The following GLIS3 variants were observed in gnomAD, a reference collection of about 807,000 sequenced individuals.
GLIS3 encodes zinc finger protein GLIS3.
A neutral mutation model predicts 78.6 loss-of-function variants in GLIS3; 53 were observed. That is an observed-to-expected ratio of 0.67 (90% CI 0.54 to 0.85). GLIS3 has a LOEUF of 0.85. Ranked by LOEUF, GLIS3 falls within the 40% of genes least tolerant of loss-of-function variation. The pLI, the probability that GLIS3 is intolerant of heterozygous loss-of-function variation, is 0.00. For missense variants in GLIS3, 1,703 were observed against 1,231.1 expected, an observed-to-expected ratio of 1.38 and a Z score of -5.74; for synonymous variants, 684 against 509.9, an observed-to-expected ratio of 1.34 and a Z score of -4.60.
At chr9:3,898,878 T>A in intron 6 of GLIS3, 43 bp from the exon 7 acceptor site, 1 of 1,612,430 alleles carries the variant, frequency 6.2e-7, no homozygotes, top group Non-Finnish European at 8.5e-7. Flanking sequence ...GGAGAGCCGG[T>A]CCTTGGAATA....
chr9:3,922,923 G>A (rs530942366), intron 6 of GLIS3, among the ~76,000 whole-genome samples: 1 of 152,244 alleles, frequency 6.6e-6, no homozygotes, highest in East Asian at 1.9e-4. Flanking sequence ...GAAGTCAGTT[G>A]GAGTTAGGAT....
At chr9:4,039,057 A>C (rs765802952) in intron 4 of GLIS3, among the ~76,000 whole-genome samples, 1 of 152,156 alleles carries the variant, frequency 6.6e-6, no homozygotes, top group Non-Finnish European at 1.5e-5. Flanking sequence ...GGGAGAATAA[A>C]AAAGGAAAAC....
chr9:4,050,340 C>G (rs565367779), intron 4 of GLIS3, among the ~76,000 whole-genome samples: 2 of 152,074 alleles, frequency 1.3e-5, no homozygotes, highest in Non-Finnish European at 2.9e-5. Flanking sequence ...AGTAAACTAT[C>G]GCAAGGACAG....
At chr9:3,922,572 G>A (rs1414304987) in intron 6 of GLIS3, among the ~76,000 whole-genome samples, 1 of 152,084 alleles carries the variant, frequency 6.6e-6, no homozygotes, top group Non-Finnish European at 1.5e-5. Context: ...TCTACAGGAG[G>A]GAGTGGTGAA....
At chr9:3,942,134 T>C (rs143756718) in intron 4 of GLIS3, among the ~76,000 whole-genome samples, 10 of 152,328 alleles carry the variant, frequency 6.6e-5, no homozygotes, top group African/African-American at 2.4e-4. Context: ...TTCAAAGCAG[T>C]AGTAACAGCA....
chr9:4,008,249 G>C (rs577253988), intron 4 of GLIS3, among the ~76,000 whole-genome samples: 2 of 152,216 alleles, frequency 1.3e-5, no homozygotes, highest in South Asian at 4.1e-4. Context: ...GCTTAGCTCA[G>C]AGTAGGCCCT....
At chr9:4,149,290 C>T (rs1203826013) in intron 2 of GLIS3, among the ~76,000 whole-genome samples, 1 of 152,186 alleles carries the variant, frequency 6.6e-6, no homozygotes, top group Non-Finnish European at 1.5e-5. Flanking sequence ...ATTACCATCC[C>T]ATTTCACAGG....
intron 2 of GLIS3, among the ~76,000 whole-genome samples, chr9:4,208,856 G>A (rs1384710962): frequency 2.0e-5 from 3 of 152,154 alleles, no homozygotes; most frequent in Admixed American, 6.5e-5. Flanking sequence ...CTTCAGAGGA[G>A]GTGAATCTGT....
At chr9:4,248,986 A>G (rs1400982140) in intron 2 of GLIS3, among the ~76,000 whole-genome samples, 2 of 152,078 alleles carry the variant, frequency 1.3e-5, no homozygotes. Flanking sequence ...CCATTAGTCT[A>G]TATATCTATT....
chr9:4,134,443 A>C (rs1361983033), intron 2 of GLIS3, among the ~76,000 whole-genome samples: 1 of 152,114 alleles, frequency 6.6e-6, no homozygotes, highest in Non-Finnish European at 1.5e-5. Flanking sequence ...TGGCCTCCAT[A>C]CCCAGCTTGT....
At chr9:4,490,038 C>T in the GLIS3 span, among the ~76,000 whole-genome samples, 2 of 152,212 alleles carry the variant, frequency 1.3e-5, no homozygotes, top group South Asian at 4.1e-4. Context: ...GGACCCAAGG[C>T]AGGATCAGCT....
chr9:4,259,269 A>C (rs570980916), intron 2 of GLIS3, among the ~76,000 whole-genome samples: 16 of 151,830 alleles, frequency 1.1e-4, no homozygotes, highest in African/African-American at 3.6e-4. Context: ...TTATTTATTT[A>C]TTTATATTTT....
chr9:3,941,463 G>T (rs1045440197), intron 4 of GLIS3, among the ~76,000 whole-genome samples: 1 of 151,926 alleles, frequency 6.6e-6, no homozygotes, highest in Non-Finnish European at 1.5e-5. Flanking sequence ...TGCCATGCTG[G>T]TGCGCTGCAC....
chr9:4,130,931 G>A (rs1222354214), intron 2 of GLIS3, among the ~76,000 whole-genome samples: 1 of 152,214 alleles, frequency 6.6e-6, no homozygotes, highest in Non-Finnish European at 1.5e-5. Context: ...TGCCAGGGCT[G>A]CACCCCACAA....
chr9:4,135,093 A>G (rs925336517), intron 2 of GLIS3, among the ~76,000 whole-genome samples: 11 of 152,238 alleles, frequency 7.2e-5, no homozygotes, highest in African/African-American at 1.2e-4. Flanking sequence ...ACCCCAAATT[A>G]TGTTAGGAAT....
intron 7 of GLIS3, among the ~76,000 whole-genome samples, chr9:3,892,728 T>A (rs868169750): frequency 6.6e-6 from 1 of 152,178 alleles, no homozygotes; most frequent in African/African-American, 2.4e-5. Flanking sequence ...TGTTTTTCTT[T>A]CCTTGGAAGG....
chr9:4,106,314 AT>A (rs201455173), intron 4 of GLIS3, among the ~76,000 whole-genome samples: 5 of 151,584 alleles, frequency 3.3e-5, no homozygotes, highest in South Asian at 2.1e-4. Flanking sequence ...AGAATCAATG[AT>A]TTTTTTTTAT....
intron 4 of GLIS3, among the ~76,000 whole-genome samples, chr9:4,079,359 G>A (rs1316321487): frequency 6.6e-6 from 1 of 152,198 alleles, no homozygotes; most frequent in Non-Finnish European, 1.5e-5. Flanking sequence ...GAAAAAGACT[G>A]TCTTGTACTT....
At chr9:4,122,618 A>G (rs1165452225) in intron 3 of GLIS3, among the ~76,000 whole-genome samples, 2 of 152,196 alleles carry the variant, frequency 1.3e-5, no homozygotes, top group Non-Finnish European at 2.9e-5. Flanking sequence ...TCCTGGTTCC[A>G]TCGGGTCTTA....
Sources: allele counts gnomAD v4.1 joint callset (sites outside exome capture counted in the v4.1 genomes callset), GRCh38; gene constraint gnomAD v4.1.1; transcripts MANE v1.5; gene names NCBI Gene and HGNC (gene_info 2026-07-23, HGNC 2026-07-21).